SESTD1: variants seen among roughly 807,000 people sequenced by gnomAD.
SESTD1 encodes the protein SEC14 domain and spectrin repeat-containing protein 1.
SESTD1 carries 43 observed loss-of-function variants against 101.7 expected under a neutral mutation model. The observed-to-expected ratio is 0.42, with a 90% CI of 0.33 to 0.55. SESTD1 has a LOEUF of 0.55. Ranked by LOEUF, SESTD1 falls within the 20% of genes least tolerant of loss-of-function variation. The pLI is 0.07. For missense variants in SESTD1, 647 were observed against 815.1 expected, an observed-to-expected ratio of 0.79 and a Z score of 2.51; for synonymous variants, 283 against 286.8, an observed-to-expected ratio of 0.99 and a Z score of 0.13.
chr2:179,119,164 T>C (rs2044696398), intron 13 of SESTD1, among the ~76,000 whole-genome samples: 1 of 152,216 alleles, frequency 6.6e-6, no homozygotes, highest in Non-Finnish European at 1.5e-5. Context: ...TACACAATTG[T>C]TGTACTTTAT....
Position 179,106,036 on chromosome 2 carries a change from G to A in SESTD1, c.*3863C>T, listed in dbSNP as rs1177645166. The A allele has an allele frequency of 1.3e-5, 2 of 152,132 alleles. No homozygotes were observed. The highest frequency in any genetic ancestry group is 2.1e-4 in the South Asian group (1 of 4,830). The allele number at this position is 152,132 out of a possible 1,614,324, so 9.4% of individuals were successfully genotyped here. A position where few individuals can be genotyped will look rare whatever the true frequency, so the allele number is the denominator to read the frequency against. ...ATTTGTTGCTCTATATACCAGCATA[G>A]TATATTTTCTACTCCCAACTGAAGC... On this transcript the variant is annotated 3_prime_UTR_variant, in exon 18 of 18. Coordinates refer to ENST00000428443, the MANE Select transcript of SESTD1 (RefSeq NM_178123.5).
At chr2:179,158,844 G>A (rs1195137615) in intron 5 of SESTD1, among the ~76,000 whole-genome samples, 2 of 152,174 alleles carry the variant, frequency 1.3e-5, no homozygotes, top group African/African-American at 4.8e-5. Context: ...GTATCTCAAA[G>A]TTAAATAACG....
chr2:179,203,435 A>G lies in SESTD1; in HGVS notation c.-25-11569T>C, dbSNP rs995990673. On this transcript the variant is annotated intron_variant, in intron 1 of 17. Transcript: ENST00000428443. ...AGAACCCCACTCTATTTTTTAAAAA[A>G]GGGGAGGGGAACAGTTCAGAGAGCT... 6.0e-5 allele frequency among the ~76,000 whole-genome samples: 8 copies of G among 132,960 alleles called. 2 individuals carry two copies. Among genetic ancestry groups the G allele is most frequent in the African/African-American group, 9.0e-5 (3 of 33,406 alleles). 87.2% of individuals were successfully genotyped at this position (132,960 alleles called of 152,430 possible). A position where few individuals can be genotyped will look rare whatever the true frequency, so the allele number is the denominator to read the frequency against.
chr2:179,191,826 T>C lies in SESTD1; in HGVS notation c.16A>G (p.Ile6Val), dbSNP rs764346792. The change falls in exon 2 of 18, where the codon ATA (isoleucine) becomes GTA (valine). Residue 6 changes from isoleucine (I) to valine (V), a missense_variant. Ile to Val is a conservative substitution (Grantham distance 29). This residue lies in a region of SESTD1 where 168 missense variants were observed against 235.1 expected (regional missense o/e 0.71). Transcript: ENST00000428443. ...AGTTTTTTCTTCAGAATGGGTAATA[T>C]TACTGAGGCCTCCATTTTACTCCAG... is the stretch of plus-strand genomic sequence containing the variant. MEASV[I>V]LPILKKKLAF... The C allele has an allele frequency of 9.3e-6, 15 of 1,612,582 alleles. No individual in the cohort carries two copies. The highest frequency in any genetic ancestry group is 1.3e-5 in the African/African-American group (1 of 74,884).
In SESTD1 at chr2:179,143,739, C is replaced by A; in HGVS notation, c.702G>T (p.Trp234Cys). 6.2e-7 allele frequency: 1 copy of A among 1,613,938 alleles called. No homozygotes were observed. Among genetic ancestry groups the A allele is most frequent in the Non-Finnish European group, 8.5e-7 (1 of 1,179,932 alleles). Residue 234 changes from tryptophan to cysteine, a missense_variant, in exon 9 of 18, where the codon TGG becomes TGT. Transcript: ENST00000428443. ...RFNGSDGGVS[W>C]SPMDDELLAQ... ...CAAGAAGTTCATCATCCATAGGAGACCATGAAACCCCTCCGTCTGAGCCAT... is the reference window on the plus strand; with the variant it reads ...CAAGAAGTTCATCATCCATAGGAGAACATGAAACCCCTCCGTCTGAGCCAT...
intron 3 of SESTD1, among the ~76,000 whole-genome samples, 180 bp downstream of exon 3, chr2:179,182,900 C>T (rs1195735534): frequency 6.6e-6 from 1 of 151,724 alleles, no homozygotes; most frequent in African/African-American, 2.4e-5. Context: ...TCATCAAGAG[C>T]ATAAAATAAG....
intron 1 of SESTD1, among the ~76,000 whole-genome samples, chr2:179,248,459 A>G (rs1057314642): frequency 2.0e-4 from 31 of 152,286 alleles, no homozygotes; most frequent in Admixed American, 1.3e-3. Flanking sequence ...AGACATGAAT[A>G]TAAACCTAAG....
intron 2 of SESTD1, among the ~76,000 whole-genome samples, chr2:179,187,787 A>G (rs2046256511): frequency 1.3e-5 from 2 of 152,232 alleles, no homozygotes; most frequent in Admixed American, 6.5e-5. Context: ...CTATTCTCAT[A>G]TCAGAAAAAA....
chr2:179,191,874 C>T lies in SESTD1; in HGVS notation c.-25-8G>A. The T allele has an allele frequency of 1.3e-6, 2 of 1,551,306 alleles. No homozygotes were observed. The highest frequency in any genetic ancestry group is 1.7e-4 in the Middle Eastern group (1 of 5,940). On this transcript the variant is annotated splice_polypyrimidine_tract_variant and splice_region_variant and intron_variant, in intron 1 of 17. Coordinates refer to ENST00000428443, the MANE Select transcript of SESTD1 (RefSeq NM_178123.5). ...CAGTGAACTTCCTTAATTCTGAAAACACAGAAAGTCAAATGTCAACTACAA... is the reference window on the plus strand; with the variant it reads ...CAGTGAACTTCCTTAATTCTGAAAATACAGAAAGTCAAATGTCAACTACAA...
chr2:179,191,046 A>G (rs1319313676), intron 2 of SESTD1, among the ~76,000 whole-genome samples: 1 of 152,190 alleles, frequency 6.6e-6, no homozygotes, highest in African/African-American at 2.4e-5. Context: ...TGGGATTGCT[A>G]CCATTCAATC....
At chr2:179,216,902 A>C (rs969648575) in intron 1 of SESTD1, among the ~76,000 whole-genome samples, 2 of 143,582 alleles carry the variant, frequency 1.4e-5, no homozygotes, top group African/African-American at 5.3e-5. Flanking sequence ...CTATTTAATA[A>C]ATGGTGCTGG....
chr2:179,253,700 T>C (rs1288862006), intron 1 of SESTD1, among the ~76,000 whole-genome samples: 1 of 152,190 alleles, frequency 6.6e-6, no homozygotes, highest in Non-Finnish European at 1.5e-5. Context: ...AAAATATTTC[T>C]GAAAGAATAC....
chr2:179,195,964 G>A (rs189718215), intron 1 of SESTD1, among the ~76,000 whole-genome samples: 6 of 152,118 alleles, frequency 3.9e-5, no homozygotes, highest in South Asian at 2.1e-4. Flanking sequence ...CAAGATGGCC[G>A]AATAGGAACA....
Position 179,214,167 on chromosome 2 carries a change from T to C in SESTD1, c.-25-22301A>G, listed in dbSNP as rs1158367867. On this transcript the variant is annotated intron_variant, in intron 1 of 17. Transcript: ENST00000428443. ...AATGTAAATGGGCTAAATGCTCCAA[T>C]TAAAAGACACAGACTGGCAAATTGG... Among the ~76,000 whole-genome samples the C allele has an allele frequency of 1.5e-5, 2 of 134,594 alleles. 1 individual carries two copies. The highest frequency in any genetic ancestry group is 3.2e-5 in the Non-Finnish European group (2 of 62,768). 88.3% of individuals were successfully genotyped at this position (134,594 alleles called of 152,430 possible).
chr2:179,261,351 T>C (rs1176029875), intron 1 of SESTD1, among the ~76,000 whole-genome samples: 8 of 152,134 alleles, frequency 5.3e-5, no homozygotes, highest in Admixed American at 2.0e-4. Context: ...GTATGCCTCA[T>C]TGAGTGCAGG....
chr2:179,123,407 AC>A (rs1431948235), intron 12 of SESTD1, among the ~76,000 whole-genome samples: 1 of 152,210 alleles, frequency 6.6e-6, no homozygotes, highest in Non-Finnish European at 1.5e-5. Flanking sequence ...ACAGCTAATT[AC>A]AGTTCATGCA....
intron 5 of SESTD1, among the ~76,000 whole-genome samples, chr2:179,160,262 A>G (rs2045709627): frequency 6.6e-6 from 1 of 152,218 alleles, no homozygotes; most frequent in Admixed American, 6.5e-5. Context: ...GATCACATGT[A>G]TTACGTATAA....
intron 2 of SESTD1, among the ~76,000 whole-genome samples, chr2:179,186,997 A>G (rs937908692): frequency 6.6e-6 from 1 of 152,184 alleles, no homozygotes; most frequent in Admixed American, 6.5e-5. Flanking sequence ...AAGATTTCCA[A>G]CCAAGAATTT....
At chr2:179,228,998 A>T (rs1471163532) in intron 1 of SESTD1, among the ~76,000 whole-genome samples, 1 of 152,186 alleles carries the variant, frequency 6.6e-6, no homozygotes, top group Non-Finnish European at 1.5e-5. Context: ...CTACGTGAAA[A>T]AATCCTCAAG....
Sources: allele counts gnomAD v4.1 joint callset (sites outside exome capture counted in the v4.1 genomes callset), GRCh38; gene constraint gnomAD v4.1.1; regional missense constraint gnomAD v4.1.1; transcripts MANE v1.5; gene names NCBI Gene and HGNC (gene_info 2026-07-23, HGNC 2026-07-21).